FAM135B: variants seen among roughly 807,000 people sequenced by gnomAD.
FAM135B encodes family with sequence similarity 135 member B, also known as protein FAM135B.
A neutral mutation model predicts 127.7 loss-of-function variants in FAM135B; 43 were observed. The observed-to-expected ratio is 0.34, with a 90% CI of 0.26 to 0.43. The LOEUF is 0.43. Among genes scored for constraint, FAM135B ranks in the 20% least tolerant of loss-of-function variants. The pLI is 1.00. For synonymous variants in FAM135B, 670 were observed against 665.1 expected, an observed-to-expected ratio of 1.01 and a Z score of -0.11; for missense variants, 1,558 against 1,725.6, an observed-to-expected ratio of 0.90 and a Z score of 1.72.
At chr8:138,404,182 T>A (rs113866276) in intron 1 of FAM135B, among the ~76,000 whole-genome samples, 2 of 152,090 alleles carry the variant, frequency 1.3e-5, no homozygotes, top group African/African-American at 4.8e-5. Context: ...TAAAAATAAC[T>A]ATTCATGGAT....
intron 1 of FAM135B, among the ~76,000 whole-genome samples, chr8:138,403,237 AC>A (rs995574695): frequency 1.5e-4 from 23 of 152,198 alleles, no homozygotes; most frequent in African/African-American, 5.5e-4. Context: ...CCAGAGGCAA[AC>A]CCCTTCTCTC....
intron 2 of FAM135B, among the ~76,000 whole-genome samples, chr8:138,337,297 A>G (rs1167246669): frequency 6.6e-5 from 10 of 151,736 alleles, no homozygotes; most frequent in African/African-American, 2.4e-4. Context: ...GTATTCAATT[A>G]GGAAAAGAGG....
intron 2 of FAM135B, among the ~76,000 whole-genome samples, chr8:138,337,348 T>C (rs1375976127): frequency 3.9e-5 from 6 of 151,924 alleles, no homozygotes; most frequent in Non-Finnish European, 7.4e-5. Flanking sequence ...TCATTGTATA[T>C]CTAGAAAACC....
At position 138,152,414 on chromosome 8, in the gene FAM135B, G is replaced by A. The variant is rs773178259; in HGVS notation, c.2061C>T (p.Gly687=). ...CGACGGAGCTTGGCTCACTCTCAAT[G>A]CCTGAATCAGATATGATGGATGAAG... is the stretch of plus-strand genomic sequence containing the variant. ...KRSSSIISDS[G]IESEPSSVAW... Residue 687 remains glycine, a synonymous_variant, in exon 13 of 20, where the codon GGC becomes GGT. Transcript: ENST00000395297. The A allele has an allele frequency of 2.3e-5, 37 of 1,614,174 alleles. 1 individual carries two copies. In the South Asian group the frequency reaches 3.6e-4, roughly 16 times the overall value.
At chr8:138,171,527 C>CCAAGT (rs1432887663) in intron 11 of FAM135B, among the ~76,000 whole-genome samples, 1 of 152,210 alleles carries the variant, frequency 6.6e-6, no homozygotes, top group Non-Finnish European at 1.5e-5. Flanking sequence ...GATGCATATC[C>CCAAGT]CAAGTGCCTT....
chr8:138,146,140 C>T, intron 14 of FAM135B, 90 bp from the exon 15 acceptor site: 4 of 685,408 alleles, frequency 5.8e-6, no homozygotes, highest in Non-Finnish European at 5.1e-6. Context: ...CTCCCTCTTT[C>T]CCCATTTCTA....
chr8:138,167,314 G>A (rs1820025172), intron 12 of FAM135B, among the ~76,000 whole-genome samples: 1 of 152,138 alleles, frequency 6.6e-6, no homozygotes, highest in Non-Finnish European at 1.5e-5. Context: ...TCCTGCCTCA[G>A]CCTCCCAAGT....
At chr8:138,173,534 C>G (rs370293561) in intron 11 of FAM135B, among the ~76,000 whole-genome samples, 1 of 152,112 alleles carries the variant, frequency 6.6e-6, no homozygotes, top group Non-Finnish European at 1.5e-5. Context: ...AATAATAGTA[C>G]CTACCTCATA....
At chr8:138,431,200 A>G (rs1197128846) in intron 1 of FAM135B, among the ~76,000 whole-genome samples, 4 of 152,136 alleles carry the variant, frequency 2.6e-5, no homozygotes, top group Admixed American at 2.6e-4. Flanking sequence ...ACATTCACTA[A>G]CTCACTCACA....
chr8:138,353,323 G>C (rs1345403916), intron 2 of FAM135B, among the ~76,000 whole-genome samples: 1 of 152,120 alleles, frequency 6.6e-6, no homozygotes. Context: ...TCATCATATA[G>C]ACAAATTATT....
intron 1 of FAM135B, among the ~76,000 whole-genome samples, chr8:138,466,956 G>A (rs1011906804): frequency 2.6e-5 from 4 of 152,138 alleles, no homozygotes; most frequent in African/African-American, 9.7e-5. Context: ...ATGGATTAAG[G>A]AGGTGTGACA....
intron 2 of FAM135B, among the ~76,000 whole-genome samples, chr8:138,341,671 G>C (rs1446968734): frequency 6.6e-6 from 1 of 152,164 alleles, no homozygotes; most frequent in African/African-American, 2.4e-5. Flanking sequence ...GCCACTGCAA[G>C]AATCCCCTGG....
chr8:138,318,129 C>T (rs1409157665), intron 2 of FAM135B, among the ~76,000 whole-genome samples: 2 of 152,232 alleles, frequency 1.3e-5, no homozygotes, highest in African/African-American at 4.8e-5. Flanking sequence ...AGCAATAAAG[C>T]ACTGTGTCAA....
intron 1 of FAM135B, among the ~76,000 whole-genome samples, chr8:138,470,600 T>C (rs1837623994): frequency 6.6e-6 from 1 of 152,236 alleles, no homozygotes; most frequent in East Asian, 1.9e-4. Flanking sequence ...GCAGTTTCCT[T>C]GCGGGAATCT....
chr8:138,216,707 T>G (rs1818574078), intron 7 of FAM135B, among the ~76,000 whole-genome samples: 1 of 152,194 alleles, frequency 6.6e-6, no homozygotes, highest in African/African-American at 2.4e-5. Context: ...TAAGCCCCAT[T>G]TAAGAGCCAG....
chr8:138,182,949 T>C (rs76115619), intron 9 of FAM135B, among the ~76,000 whole-genome samples: 5,361 of 152,244 alleles, frequency 0.035, 292 homozygotes, highest in African/African-American at 0.12. Context: ...AAACCCCTGC[T>C]TGGTCACAAC....
At chr8:138,206,425 A>G (rs71512385) in intron 7 of FAM135B, among the ~76,000 whole-genome samples, 2,584 of 14,940 alleles carry the variant, frequency 0.17, no homozygotes, top group Admixed American at 0.2. Flanking sequence ...CTCCACCTAC[A>G]CACAGCTCTA....
At position 138,177,463 on chromosome 8, in the gene FAM135B, G is replaced by T. The variant is rs142507165; in HGVS notation, c.1030-43C>A. On this transcript the variant is annotated intron_variant, in intron 10 of 19. Coordinates refer to ENST00000395297, the MANE Select transcript of FAM135B (RefSeq NM_015912.4). The stretch of plus-strand genomic sequence containing the variant: ...GTAAACAGTTCAATTCTTTAGGTAG[G>T]TATTACCTGCACTTTCTTTTTTTTT... The T allele has an allele frequency of 2.8e-3, 4,197 of 1,505,166 alleles. 26 individuals carry two copies. In the Middle Eastern group the frequency reaches 0.037, roughly 13 times the overall value. 93.2% of individuals were successfully genotyped at this position (1,505,166 alleles called of 1,614,324 possible).
At chr8:138,285,560 TA>T (rs1326837070) in intron 3 of FAM135B, among the ~76,000 whole-genome samples, 1 of 152,180 alleles carries the variant, frequency 6.6e-6, no homozygotes, top group African/African-American at 2.4e-5. Context: ...ACAAAAAATC[TA>T]GCACAGTGCC....
Sources: allele counts gnomAD v4.1 joint callset (sites outside exome capture counted in the v4.1 genomes callset), GRCh38; gene constraint gnomAD v4.1.1; transcripts MANE v1.5; gene names NCBI Gene and HGNC (gene_info 2026-07-23, HGNC 2026-07-21).